Variants in RUNX1 observed in about 807,000 individuals in gnomAD.
RUNX1 encodes RUNX family transcription factor 1, also known as runt-related transcription factor 1.
Under a neutral mutation model 42.8 loss-of-function variants are expected in RUNX1, and 19 were observed. The ratio of observed to expected loss-of-function variants is 0.44; its 90% CI spans 0.31 to 0.65. The LOEUF (loss-of-function observed/expected upper bound fraction) is 0.65. Among genes scored for constraint, RUNX1 ranks in the 30% least tolerant of loss-of-function variants. The pLI is 0.07. For missense variants in RUNX1, 528 were observed against 672.0 expected (o/e 0.79, Z 2.37); for synonymous variants, 271 against 289.4 (o/e 0.94, Z 0.64).
chr21:34,806,599 G>A (rs2056683719), intron 7 of RUNX1, among the ~76,000 whole-genome samples: 1 of 152,132 alleles, frequency 6.6e-6, no homozygotes, highest in Non-Finnish European at 1.5e-5. Context: ...TTAAGACACA[G>A]TTGACCTAAA....
intron 2 of RUNX1, among the ~76,000 whole-genome samples, chr21:35,013,978 C>T (rs1019883473): frequency 6.6e-6 from 1 of 152,054 alleles, no homozygotes; most frequent in Non-Finnish European, 1.5e-5. Flanking sequence ...CAAAGCAGCA[C>T]TTTGAGTATG....
At chr21:34,816,307 G>A (rs1052342418) in intron 7 of RUNX1, among the ~76,000 whole-genome samples, 9 of 152,266 alleles carry the variant, frequency 5.9e-5, no homozygotes, top group Non-Finnish European at 1.0e-4. Context: ...AGGAGAGAGC[G>A]TTCCTGCCCA....
chr21:34,995,455 T>TTTTTTG (rs1321074202), intron 2 of RUNX1, among the ~76,000 whole-genome samples: 1 of 148,760 alleles, frequency 6.7e-6, no homozygotes, highest in East Asian at 2.0e-4. Context: ...TTTTTTTTTT[T>TTTTTTG]TTTGAGACAA....
intron 2 of RUNX1, among the ~76,000 whole-genome samples, chr21:34,997,027 A>C (rs1033066047): frequency 1.3e-5 from 2 of 152,262 alleles, no homozygotes; most frequent in African/African-American, 4.8e-5. Flanking sequence ...TCCCTTAGCC[A>C]AACTGAAGAA....
rs372412304 is a variant in RUNX1 at position 34,930,270 on chromosome 21, G to GTGTGTGTGTATATATATATATA, written c.59-37308_59-37307insTATATATATATATACACACACA. Among the ~76,000 whole-genome samples the GTGTGTGTGTATATATATATATA allele has an allele frequency of 2.0e-4, 25 of 122,988 alleles. 1 individual carries two copies. The highest frequency in any genetic ancestry group is 9.0e-4 in the African/African-American group (24 of 26,640). The allele number at this position is 122,988 out of a possible 152,430, so 80.7% of individuals were successfully genotyped here. On this transcript the variant is annotated intron_variant, in intron 2 of 8. Coordinates refer to ENST00000675419, the MANE Select transcript of RUNX1 (RefSeq NM_001754.5). ...ATGTATATTATACGTGTGTGTGTATGTATATATATATATATATATATAAAT... is the reference window on the plus strand; with the variant it reads ...ATGTATATTATACGTGTGTGTGTATGTGTGTGTGTATATATATATATATATATATATATATATATATATAAAT...
intron 2 of RUNX1, among the ~76,000 whole-genome samples, chr21:34,959,219 CAA>C: frequency 7.0e-6 from 1 of 143,732 alleles, no homozygotes; most frequent in Admixed American, 6.9e-5. Context: ...AAGACATATC[CAA>C]AAAAAAAAAG....
intron 2 of RUNX1, among the ~76,000 whole-genome samples, chr21:34,982,487 T>C (rs2058854385): frequency 6.8e-6 from 1 of 146,272 alleles, no homozygotes; most frequent in African/African-American, 2.6e-5. Context: ...TCCACTCTCC[T>C]CTTAGCATAC....
chr21:34,834,466 C>A lies in RUNX1; in HGVS notation c.749G>T (p.Arg250Leu). The change falls in exon 7 of 9, where the codon CGT becomes CTT. Residue 250 changes from arginine to leucine, a missense_variant. Around this residue, in one of 3 missense-constraint regions of RUNX1, gnomAD observed 331 missense variants for 382.5 expected, o/e 0.87. Transcript: ENST00000675419. ...GGCAGTGGAGTGGTTCAGGGAGGCA[C>A]GAGGGTTGGGCGTGGGGGCTGGGTG... ...PHHPAPTPNP[R>L]ASLNHSTAFN... 1 of 1,611,264 alleles carries A rather than the reference C, an allele frequency of 6.2e-7. No individual in the cohort carries two copies. The highest frequency in any genetic ancestry group is 8.5e-7 in the Non-Finnish European group (1 of 1,178,414).
intron 7 of RUNX1, among the ~76,000 whole-genome samples, chr21:34,801,283 A>G (rs1438936786): frequency 6.6e-6 from 1 of 152,124 alleles, no homozygotes; most frequent in East Asian, 1.9e-4. Context: ...ACAGTAATTC[A>G]CGCCTTGTTG....
intron 2 of RUNX1, among the ~76,000 whole-genome samples, chr21:34,928,961 T>TGGG (rs57397826): frequency 9.4e-5 from 13 of 138,414 alleles, no homozygotes; most frequent in Admixed American, 7.6e-4. Context: ...AGATTTTTTT[T>TGGG]GGGGGGGGGG....
chr21:34,865,063 T>C (rs1187263867), intron 5 of RUNX1, among the ~76,000 whole-genome samples: 2 of 152,078 alleles, frequency 1.3e-5, no homozygotes, highest in Non-Finnish European at 2.9e-5. Context: ...AGGGGGTTAA[T>C]AACAGTCATT....
chr21:34,863,498 T>C (rs2057606708), intron 5 of RUNX1, among the ~76,000 whole-genome samples: 1 of 151,698 alleles, frequency 6.6e-6, no homozygotes, highest in African/African-American at 2.4e-5. Context: ...ATCAAAGTGA[T>C]AATTTGTGAA....
At position 34,789,444 on chromosome 21, in the gene RUNX1, G is replaced by A. The variant is rs1293817200; in HGVS notation, c.*2691C>T. 4.3e-6 allele frequency: 1 copy of A among 233,634 alleles called. No individual in the cohort carries two copies. The highest frequency in any genetic ancestry group is 8.5e-6 in the Non-Finnish European group (1 of 118,060). 14.5% of individuals were successfully genotyped at this position (233,634 alleles called of 1,614,324 possible). A position where few individuals can be genotyped will look rare whatever the true frequency, so the allele number is the denominator to read the frequency against. Reference sequence around the variant, plus strand: ...GGGACATGAGTAAGCAGTAGAAATGGCTTATTCAATACTTCTCCTGGACCA... The same window carrying A: ...GGGACATGAGTAAGCAGTAGAAATGACTTATTCAATACTTCTCCTGGACCA... On this transcript the variant is annotated 3_prime_UTR_variant, in exon 9 of 9. Coordinates refer to ENST00000675419, the MANE Select transcript of RUNX1 (RefSeq NM_001754.5).
chr21:35,007,144 G>T (rs1282881709), intron 2 of RUNX1, among the ~76,000 whole-genome samples: 1 of 152,174 alleles, frequency 6.6e-6, no homozygotes, highest in Non-Finnish European at 1.5e-5. Flanking sequence ...TATATAGAAT[G>T]CATATTGAAA....
In RUNX1 at chr21:34,858,582, G is replaced by A. The variant is rs528378871; in HGVS notation, c.613+892C>T. ...CTTCATTTTACAACCTGACCTCCCT[G>A]CATCTTGGCTTTTGGGGACAGTAGG... is the stretch of plus-strand genomic sequence containing the variant. On this transcript the variant is annotated intron_variant, in intron 6 of 8. Coordinates refer to ENST00000675419, the MANE Select transcript of RUNX1 (RefSeq NM_001754.5). Among the ~76,000 whole-genome samples, 6 of 152,290 alleles carry A rather than the reference G, an allele frequency of 3.9e-5. No homozygotes were observed. The East Asian group carries it at 5.8e-4, about 15-fold the overall frequency.
chr21:34,858,094 C>T (rs1276685680), intron 6 of RUNX1, among the ~76,000 whole-genome samples: 1 of 152,192 alleles, frequency 6.6e-6, no homozygotes, highest in African/African-American at 2.4e-5. Context: ...TGGTGGCCTG[C>T]CCCTGGTGGG....
At chr21:35,000,676 T>C (rs148983819) in intron 2 of RUNX1, among the ~76,000 whole-genome samples, 17 of 152,356 alleles carry the variant, frequency 1.1e-4, no homozygotes, top group African/African-American at 4.1e-4. Flanking sequence ...GAGTGCTTCA[T>C]GTTCTTTGGA....
At chr21:34,869,322 G>A (rs1040291237) in intron 5 of RUNX1, among the ~76,000 whole-genome samples, 1 of 152,134 alleles carries the variant, frequency 6.6e-6, no homozygotes, top group Non-Finnish European at 1.5e-5. Flanking sequence ...TAGATGAAAG[G>A]CACTCTTAAA....
At chr21:34,917,098 T>A (rs2058317227) in intron 2 of RUNX1, among the ~76,000 whole-genome samples, 1 of 152,160 alleles carries the variant, frequency 6.6e-6, no homozygotes, top group African/African-American at 2.4e-5. Context: ...TTTGGAGACT[T>A]CTTTCCCATG....
Sources: allele counts gnomAD v4.1 joint callset (sites outside exome capture counted in the v4.1 genomes callset), GRCh38; gene constraint gnomAD v4.1.1; regional missense constraint gnomAD v4.1.1; transcripts MANE v1.5; gene names NCBI Gene and HGNC (gene_info 2026-07-23, HGNC 2026-07-21).